CACNA1A: variants seen among roughly 807,000 people sequenced by gnomAD.
The protein encoded by CACNA1A is voltage-dependent P/Q-type calcium channel subunit alpha-1A.
In CACNA1A, 57 loss-of-function variants were observed where a neutral mutation model predicts 262.4. The observed-to-expected ratio is 0.22, with a 90% CI of 0.18 to 0.27. The LOEUF is 0.27. Ranked by LOEUF, CACNA1A falls within the 10% of genes least tolerant of loss-of-function variation. The pLI is 1.00. For missense variants in CACNA1A, 2,526 were observed against 3,562.8 expected, an observed-to-expected ratio of 0.71 and a Z score of 7.41; for synonymous variants, 1,431 against 1,419.3, an observed-to-expected ratio of 1.01 and a Z score of -0.18.
intron 24 of CACNA1A, among the ~76,000 whole-genome samples, chr19:13,263,979 G>A (rs1013253488): frequency 5.3e-5 from 8 of 152,068 alleles, no homozygotes; most frequent in African/African-American, 1.4e-4. Flanking sequence ...GAAAATAACC[G>A]GGTGCCGCTG....
chr19:13,495,598 G>A (rs1449209148), intron 1 of CACNA1A, among the ~76,000 whole-genome samples: 2 of 152,162 alleles, frequency 1.3e-5, no homozygotes, highest in South Asian at 4.1e-4. Context: ...ACAAAAGTGT[G>A]CAAAATTCAC....
At chr19:13,461,176 C>T (rs1415451547) in intron 1 of CACNA1A, among the ~76,000 whole-genome samples, 2 of 151,972 alleles carry the variant, frequency 1.3e-5, no homozygotes, top group Non-Finnish European at 2.9e-5. Flanking sequence ...CCCGTCTCTA[C>T]TAAAAATACA....
In CACNA1A at chr19:13,308,505, C is replaced by T. The variant is rs371827685; in HGVS notation, c.1692G>A (p.Glu564=). Residue 564 remains glutamate (E), a synonymous_variant, in exon 13 of 47, where the codon GAG becomes GAA. Transcript: ENST00000360228. This position sits in a 1 kb window ranked among gnomAD's most constrained non-coding sequence, Gnocchi z 4.2. ...CAGGTTTTATGACAGCCCAGATGAC[C>T]TCGAAGATGCTCCCAATGATAACCT... ...DCGVIIGSIF[E]VIWAVIKPGT... is the part of the protein sequence containing the mutation. The T allele has an allele frequency of 1.6e-5, 26 of 1,611,876 alleles. No individual in the cohort carries two copies. The East Asian group carries it at 2.5e-4, about 15-fold the overall frequency.
chr19:13,412,836 T>A (rs1298705493), intron 3 of CACNA1A, among the ~76,000 whole-genome samples: 3 of 152,220 alleles, frequency 2.0e-5, no homozygotes, highest in African/African-American at 7.2e-5. Flanking sequence ...AACATTTGTT[T>A]GGTAGAAAGG....
At chr19:13,423,200 T>C (rs2060345815) in intron 3 of CACNA1A, among the ~76,000 whole-genome samples, 1 of 152,180 alleles carries the variant, frequency 6.6e-6, no homozygotes. Flanking sequence ...TTTAGGGGAT[T>C]TGGAGATGGA....
chr19:13,499,517 A>G (rs1028691886), intron 1 of CACNA1A, among the ~76,000 whole-genome samples: 1 of 151,688 alleles, frequency 6.6e-6, no homozygotes, highest in African/African-American at 2.4e-5. Context: ...CCAAAAAAAG[A>G]ACACTGGAAC....
intron 30 of CACNA1A, among the ~76,000 whole-genome samples, chr19:13,249,044 C>G (rs997294126): frequency 1.3e-5 from 2 of 152,202 alleles, no homozygotes; most frequent in Non-Finnish European, 2.9e-5. Flanking sequence ...TCGCAGCTCA[C>G]TGCAGCCTTG....
chr19:13,226,863 CAGGGGAAGG>C (rs2055470544), intron 37 of CACNA1A: 2 of 152,568 alleles, frequency 1.3e-5, no homozygotes, highest in African/African-American at 4.8e-5. Flanking sequence ...GACGAAACTC[CAGGGGAAGG>C]AAGGGAGGGG....
chr19:13,341,527 C>T (rs890110527), intron 6 of CACNA1A, among the ~76,000 whole-genome samples: 7 of 152,206 alleles, frequency 4.6e-5, no homozygotes, highest in South Asian at 4.1e-4. Flanking sequence ...CCTTTTCCCT[C>T]GCTCATTCGG....
intron 1 of CACNA1A, among the ~76,000 whole-genome samples, chr19:13,487,477 G>T (rs1268462893): frequency 1.3e-5 from 2 of 152,110 alleles, no homozygotes; most frequent in Admixed American, 1.3e-4. Flanking sequence ...ATTAGTAGTT[G>T]CCAGGGGCTG....
chr19:13,370,591 A>AT (rs35234045), intron 4 of CACNA1A, among the ~76,000 whole-genome samples: 4,392 of 139,716 alleles, frequency 0.031, 98 homozygotes, highest in South Asian at 0.1. Context: ...ATGCCTGCTA[A>AT]TTTTTTTTTT....
At chr19:13,484,059 T>C (rs935602559) in intron 1 of CACNA1A, among the ~76,000 whole-genome samples, 2 of 152,122 alleles carry the variant, frequency 1.3e-5, no homozygotes, top group Non-Finnish European at 2.9e-5. Flanking sequence ...GCTTGAGTAA[T>C]TGGGATTGGG....
intron 19 of CACNA1A, among the ~76,000 whole-genome samples, chr19:13,296,290 T>C (rs910932907): frequency 2.0e-5 from 3 of 152,160 alleles, no homozygotes; most frequent in African/African-American, 4.8e-5. Context: ...ACCTCATATG[T>C]CATACAACAG....
At chr19:13,396,947 C>T (rs1026771461) in intron 3 of CACNA1A, among the ~76,000 whole-genome samples, 2 of 152,204 alleles carry the variant, frequency 1.3e-5, no homozygotes, top group African/African-American at 4.8e-5. Context: ...CACAGCTCTG[C>T]CTCCACTGGG....
Position 13,285,656 on chromosome 19 carries a change from G to A in CACNA1A, c.3554-450C>T, listed in dbSNP as rs553995402. Among the ~76,000 whole-genome samples, 18 of 152,162 alleles carry A rather than the reference G, an allele frequency of 1.2e-4. No homozygotes were observed. The East Asian group carries it at 3.1e-3, about 26-fold the overall frequency. On this transcript the variant is annotated intron_variant, in intron 20 of 46. Transcript: ENST00000360228. ...GACCCACTGAACAGATAGAAATACTGAGACCTCCCATAAACTGCATGGCAT... is the reference window on the plus strand; with the variant it reads ...GACCCACTGAACAGATAGAAATACTAAGACCTCCCATAAACTGCATGGCAT...
chr19:13,347,601 A>G lies in CACNA1A; in HGVS notation c.979-11692T>C, dbSNP rs931151537. Among the ~76,000 whole-genome samples the G allele has an allele frequency of 2.2e-4, 34 of 152,240 alleles. 1 individual carries two copies. The highest frequency in any genetic ancestry group is 7.3e-5 in the Non-Finnish European group (5 of 68,050). On this transcript the variant is annotated intron_variant, in intron 6 of 46. Coordinates refer to ENST00000360228, the MANE Select transcript of CACNA1A (RefSeq NM_001127222.2). ...GTCGTTACTTTCACGCTACAGGAGC[A>G]GATTGAGTCGTTGCGATGGAGACCA...
intron 24 of CACNA1A, among the ~76,000 whole-genome samples, chr19:13,264,067 G>C (rs2056805968): frequency 6.6e-6 from 1 of 152,142 alleles, no homozygotes. Context: ...CTTTGCCAGA[G>C]AGGACTGCAC....
At position 13,368,809 on chromosome 19, in the gene CACNA1A, C is replaced by T. The variant is rs558426174; in HGVS notation, c.631+2879G>A. ...ATCCCAGCACTTTGGGAGGCCGAGG[C>T]GGGCGGATCACGAGGTCAGGAGATC... On this transcript the variant is annotated intron_variant, in intron 4 of 46. Coordinates refer to ENST00000360228, the MANE Select transcript of CACNA1A (RefSeq NM_001127222.2). Among the ~76,000 whole-genome samples the T allele has an allele frequency of 1.1e-3, 143 of 129,382 alleles. 15 individuals carry two copies. The highest frequency in any genetic ancestry group is 2.8e-3 in the African/African-American group (65 of 22,950). The allele number at this position is 129,382 out of a possible 152,430, so 84.9% of individuals were successfully genotyped here.
At chr19:13,317,433 C>T (rs1168095068) in intron 10 of CACNA1A, 112 bp from the exon 11 acceptor site, 6 of 861,174 alleles carry the variant, frequency 7.0e-6, no homozygotes, top group Middle Eastern at 3.6e-4. Flanking sequence ...GTCTCTCCAG[C>T]AAGCCTCTGG....
Sources: gnomAD v4.1 joint callset for allele counts (sites outside exome capture counted in the v4.1 genomes callset) on GRCh38, gnomAD v4.1.1 for gene constraint, Gnocchi (gnomAD v3.1) non-coding constraint, MANE v1.5 for transcripts, NCBI Gene and HGNC (gene_info 2026-07-23, HGNC 2026-07-21) for gene names.